The following EIF4E variants were observed in gnomAD, a reference collection of about 807,000 sequenced individuals.
EIF4E encodes the protein eukaryotic translation initiation factor 4E, also known as eIF-4F 25 kDa subunit.
For missense variants in EIF4E, 113 were observed against 265.6 expected (o/e 0.43, Z 3.99); for synonymous variants, 71 against 88.5 (o/e 0.80, Z 1.11).
At chr4:98,889,376 T>C (rs1724059388) in intron 3 of EIF4E, among the ~76,000 whole-genome samples, 1 of 152,178 alleles carries the variant, frequency 6.6e-6, no homozygotes, top group Admixed American at 6.5e-5. Flanking sequence ...GCTACTAATG[T>C]CATAAAATGA....
intron 2 of EIF4E, among the ~76,000 whole-genome samples, chr4:98,895,921 G>A (rs1438895032): frequency 6.6e-6 from 1 of 152,110 alleles, no homozygotes; most frequent in Non-Finnish European, 1.5e-5. Context: ...GCATGGGCTG[G>A]GCGCAGTGGC....
At chr4:98,884,364 T>A (rs1185113292) in intron 6 of EIF4E, among the ~76,000 whole-genome samples, 3 of 152,180 alleles carry the variant, frequency 2.0e-5, no homozygotes, top group African/African-American at 7.2e-5. Context: ...CTCTAGTGGT[T>A]ATATACTTCA....
chr4:98,880,984 T>C lies in EIF4E; in HGVS notation c.*44A>G, dbSNP rs1292313657. On this transcript the variant is annotated 3_prime_UTR_variant, in exon 7 of 7. Coordinates refer to ENST00000450253, the MANE Select transcript of EIF4E (RefSeq NM_001968.5). ...CTTTGGTTCAGCTCCCAAATCTCGA[T>C]TGCTTGACGCAGTCTCCTATGAGAA... 8.3e-6 allele frequency: 13 copies of C among 1,556,956 alleles called. No individual in the cohort carries two copies. Among genetic ancestry groups the C allele is most frequent in the Admixed American group, 8.3e-5 (4 of 48,116 alleles).
intron 2 of EIF4E, among the ~76,000 whole-genome samples, chr4:98,897,714 A>G (rs1724470061): frequency 1.3e-5 from 2 of 152,244 alleles, no homozygotes; most frequent in Non-Finnish European, 2.9e-5. Context: ...AATTGTCTGA[A>G]CTTAAGATTG....
intron 1 of EIF4E, among the ~76,000 whole-genome samples, chr4:98,920,128 G>A (rs1725581034): frequency 6.6e-6 from 1 of 152,220 alleles, no homozygotes; most frequent in Admixed American, 6.5e-5. Context: ...AGGGGAATGA[G>A]GTGGTTGGGG....
Position 98,887,085 on chromosome 4 carries a change from T to C in EIF4E, c.393A>G (p.Leu131=). The change falls in exon 5 of 7, where the codon CTA becomes CTG. Residue 131 remains leucine, a synonymous_variant. Transcript: ENST00000450253. The surrounding 1 kb of genome is among the most constrained non-coding windows in gnomAD (Gnocchi z 4.0). Reference sequence around the variant, plus strand: ...TATACTTTTAAAACCTTACTGTCTCTAGCCAAAAGCGATCGAGGTCACTTC... The same window carrying C: ...TATACTTTTAAAACCTTACTGTCTCCAGCCAAAAGCGATCGAGGTCACTTC... ...QRRSDLDRFW[L]ETLLCLIGES... 6.2e-7 allele frequency: 1 copy of C among 1,613,054 alleles called. No individual in the cohort carries two copies. The highest frequency in any genetic ancestry group is 8.5e-7 in the Non-Finnish European group (1 of 1,179,718).
rs1051076765 is a variant in EIF4E at position 98,887,499 on chromosome 4, C to T, written c.286-307G>A. ...TGTACATTTCTACAGCTAGAAAATA[C>T]ATGCAAAAACTATGCAATTTCAGTT... On this transcript the variant is annotated intron_variant, in intron 4 of 6. Transcript: ENST00000450253. The surrounding 1 kb of genome is among the most constrained non-coding windows in gnomAD (Gnocchi z 4.0). Among the ~76,000 whole-genome samples, 2 of 152,124 alleles carry T rather than the reference C, an allele frequency of 1.3e-5. No homozygotes were observed. Among genetic ancestry groups the T allele is most frequent in the Non-Finnish European group, 2.9e-5 (2 of 68,038 alleles).
chr4:98,899,849 A>C (rs1340380892), intron 2 of EIF4E, among the ~76,000 whole-genome samples: 1 of 152,190 alleles, frequency 6.6e-6, no homozygotes, highest in Non-Finnish European at 1.5e-5. Context: ...AGAAAGTAAA[A>C]TGCAAGAAGT....
rs2110199227 is a variant in EIF4E at position 98,901,991 on chromosome 4, AAAT to A, written c.19-12_19-10del. 1.3e-6 allele frequency: 2 copies of A among 1,599,796 alleles called. No homozygotes were observed. The highest frequency in any genetic ancestry group is 1.7e-6 in the Non-Finnish European group (2 of 1,167,184). On this transcript the variant is annotated splice_polypyrimidine_tract_variant and intron_variant, in intron 1 of 6. Coordinates refer to ENST00000450253, the MANE Select transcript of EIF4E (RefSeq NM_001968.5). Reference sequence around the variant, plus strand: ...GGAGTAGGGGTGGTTTCCTAGTGGAAAATAATATAAAACATTATTTTAAATGTC... The same window carrying A: ...GGAGTAGGGGTGGTTTCCTAGTGGAAAATATAAAACATTATTTTAAATGTC...
At chr4:98,894,492 T>C (rs1346428400) in intron 2 of EIF4E, among the ~76,000 whole-genome samples, 1 of 152,256 alleles carries the variant, frequency 6.6e-6, no homozygotes, top group African/African-American at 2.4e-5. Context: ...CTTCACCTTG[T>C]ACTTTTATGG....
intron 1 of EIF4E, among the ~76,000 whole-genome samples, chr4:98,922,850 CTT>C (rs112293850): frequency 1.5e-5 from 2 of 136,680 alleles, no homozygotes. Context: ...TTTCTTTTTT[CTT>C]TTTTTTTTTT....
At chr4:98,925,491 G>A (rs1451387851) in intron 1 of EIF4E, among the ~76,000 whole-genome samples, 2 of 152,130 alleles carry the variant, frequency 1.3e-5, no homozygotes, top group Non-Finnish European at 2.9e-5. Context: ...AGTACCGTTT[G>A]CCCTAACGTT....
chr4:98,926,089 C>G (rs10008093), intron 1 of EIF4E: 19,296 of 151,832 alleles, frequency 0.13, 1,373 homozygotes, highest in East Asian at 0.19. Flanking sequence ...TCTCTTGAGC[C>G]CAGGAGTTTG....
intron 1 of EIF4E, among the ~76,000 whole-genome samples, chr4:98,928,016 G>T (rs1721278274): frequency 6.6e-6 from 1 of 152,106 alleles, no homozygotes; most frequent in Non-Finnish European, 1.5e-5. Flanking sequence ...AAATTGAAAT[G>T]AAAGTCTGTA....
intron 3 of EIF4E, 111 bp downstream of exon 3, chr4:98,891,126 G>A: frequency 1.7e-6 from 2 of 1,158,352 alleles, no homozygotes; most frequent in Non-Finnish European, 2.5e-6. Context: ...AAAAATAGAT[G>A]AACATTCATT....
chr4:98,895,967 G>A (rs1724363098), intron 2 of EIF4E, among the ~76,000 whole-genome samples: 1 of 121,954 alleles, frequency 8.2e-6, no homozygotes, highest in Non-Finnish European at 2.1e-5. Context: ...GGAGGCCAAG[G>A]TGGGTGGATC....
chr4:98,898,285 C>G (rs1724501899), intron 2 of EIF4E, among the ~76,000 whole-genome samples: 1 of 152,160 alleles, frequency 6.6e-6, no homozygotes, highest in South Asian at 2.1e-4. Flanking sequence ...AAGGCAGAAA[C>G]AGCTATGAAA....
intron 2 of EIF4E, among the ~76,000 whole-genome samples, chr4:98,900,518 G>C (rs1375908315): frequency 6.6e-6 from 1 of 151,806 alleles, no homozygotes; most frequent in African/African-American, 2.4e-5. Context: ...AAATAGACTT[G>C]TGGACTCTTT....
At position 98,898,429 on chromosome 4, in the gene EIF4E, A is replaced by G. The variant is rs182647496; in HGVS notation, c.125+3447T>C. Among the ~76,000 whole-genome samples, 424 of 152,274 alleles carry G rather than the reference A, an allele frequency of 2.8e-3. 5 individuals are homozygous for G. The highest frequency in any genetic ancestry group is 0.025 in the Admixed American group (382 of 15,296). Reference sequence around the variant, plus strand: ...CAAGATCAGCCTGGCCAACATGGTGAAACCCCGTCTCTATTAGAAACTACA... The same window carrying G: ...CAAGATCAGCCTGGCCAACATGGTGGAACCCCGTCTCTATTAGAAACTACA... On this transcript the variant is annotated intron_variant, in intron 2 of 6. Coordinates refer to ENST00000450253, the MANE Select transcript of EIF4E (RefSeq NM_001968.5).
Sources: gnomAD v4.1 joint callset for allele counts (sites outside exome capture counted in the v4.1 genomes callset) on GRCh38, gnomAD v4.1.1 for gene constraint, Gnocchi (gnomAD v3.1) non-coding constraint, MANE v1.5 for transcripts, NCBI Gene and HGNC (gene_info 2026-07-23, HGNC 2026-07-21) for gene names.